The following GPC5 variants were observed in gnomAD, a reference collection of about 807,000 sequenced individuals.
GPC5 encodes the protein glypican-5.
In GPC5, 47 loss-of-function variants were observed where a neutral mutation model predicts 53.9. The ratio of observed to expected loss-of-function variants is 0.87; its 90% CI spans 0.69 to 1.11. GPC5 has a LOEUF of 1.11. Among genes scored for constraint, GPC5 ranks in the 50% most tolerant of loss-of-function variants. The pLI is 0.00. For missense variants in GPC5, 748 were observed against 713.1 expected, an observed-to-expected ratio of 1.05 and a Z score of -0.56; for synonymous variants, 286 against 263.3, an observed-to-expected ratio of 1.09 and a Z score of -0.84.
intron 5 of GPC5, among the ~76,000 whole-genome samples, chr13:91,793,187 AAC>A (rs1566265088): frequency 6.6e-6 from 1 of 151,874 alleles, no homozygotes; most frequent in Non-Finnish European, 1.5e-5. Flanking sequence ...AGGGGAGGCA[AAC>A]ACATTCTTCT....
At chr13:92,734,316 C>T (rs1199015251) in intron 7 of GPC5, among the ~76,000 whole-genome samples, 1 of 151,824 alleles carries the variant, frequency 6.6e-6, no homozygotes, top group East Asian at 1.9e-4. Context: ...TTTGCACTTC[C>T]TCTTCCTGTC....
At chr13:92,093,943 C>A (rs1036110877) in intron 6 of GPC5, among the ~76,000 whole-genome samples, 1 of 152,104 alleles carries the variant, frequency 6.6e-6, no homozygotes, top group Non-Finnish European at 1.5e-5. Flanking sequence ...TCAAATATGT[C>A]ATAAAAATAG....
intron 7 of GPC5, among the ~76,000 whole-genome samples, chr13:92,258,467 G>A (rs981882075): frequency 6.6e-6 from 1 of 152,158 alleles, no homozygotes; most frequent in African/African-American, 2.4e-5. Context: ...TCATTGAAAT[G>A]TGTATATAAA....
At chr13:92,638,255 A>G (rs916487217) in intron 7 of GPC5, among the ~76,000 whole-genome samples, 5 of 152,160 alleles carry the variant, frequency 3.3e-5, no homozygotes, top group Non-Finnish European at 7.4e-5. Context: ...ATTTTCTTGG[A>G]CTTTATATTG....
At chr13:92,385,712 C>CAT (rs1415535099) in intron 7 of GPC5, among the ~76,000 whole-genome samples, 2 of 130,988 alleles carry the variant, frequency 1.5e-5, no homozygotes, top group African/African-American at 5.8e-5. Context: ...CATATATACA[C>CAT]ATATATACAT....
intron 7 of GPC5, among the ~76,000 whole-genome samples, chr13:92,831,694 C>T (rs1324189273): frequency 6.6e-6 from 1 of 152,156 alleles, no homozygotes; most frequent in Non-Finnish European, 1.5e-5. Flanking sequence ...AGATGTCTGA[C>T]TTCAGGTGTG....
intron 5 of GPC5, among the ~76,000 whole-genome samples, chr13:91,898,927 T>G (rs1188045103): frequency 6.6e-6 from 1 of 152,208 alleles, no homozygotes; most frequent in African/African-American, 2.4e-5. Context: ...TTATTTCTTC[T>G]GAGCTATTTA....
At chr13:91,856,734 C>T (rs1452088127) in intron 5 of GPC5, among the ~76,000 whole-genome samples, 1 of 151,064 alleles carries the variant, frequency 6.6e-6, no homozygotes, top group Non-Finnish European at 1.5e-5. Flanking sequence ...CTGCAGCTTG[C>T]TGTTTTATTT....
At chr13:91,468,519 C>G (rs1001257776) in intron 2 of GPC5, among the ~76,000 whole-genome samples, 1 of 152,076 alleles carries the variant, frequency 6.6e-6, no homozygotes, top group Non-Finnish European at 1.5e-5. Flanking sequence ...GATATGAGGA[C>G]AGAGGAATGC....
intron 7 of GPC5, among the ~76,000 whole-genome samples, chr13:92,528,914 T>C (rs1271662030): frequency 6.6e-6 from 1 of 152,098 alleles, no homozygotes; most frequent in Non-Finnish European, 1.5e-5. Flanking sequence ...TTACAACTTA[T>C]GTCTTTTGCA....
At chr13:91,464,732 T>C (rs1330537723) in intron 2 of GPC5, among the ~76,000 whole-genome samples, 1 of 152,096 alleles carries the variant, frequency 6.6e-6, no homozygotes, top group Non-Finnish European at 1.5e-5. Context: ...GGGAGCTTTG[T>C]GGCAATGGAA....
chr13:92,127,623 T>C (rs1332347401), intron 6 of GPC5, among the ~76,000 whole-genome samples: 2 of 152,174 alleles, frequency 1.3e-5, no homozygotes, highest in Admixed American at 1.3e-4. Flanking sequence ...AGGTCTGGAA[T>C]AGCAGATACA....
chr13:91,972,767 T>C (rs892304423), intron 6 of GPC5, among the ~76,000 whole-genome samples: 9 of 152,324 alleles, frequency 5.9e-5, no homozygotes, highest in Non-Finnish European at 1.2e-4. Context: ...TTGAAAATTC[T>C]TTTCTTTAAG....
intron 5 of GPC5, among the ~76,000 whole-genome samples, chr13:91,779,519 A>G (rs977973104): frequency 7.2e-5 from 11 of 151,916 alleles, no homozygotes; most frequent in Non-Finnish European, 4.4e-5. Flanking sequence ...TACCACCACA[A>G]CGAGCTAATG....
chr13:91,546,526 A>T (rs9556101), intron 2 of GPC5, among the ~76,000 whole-genome samples: 2,978 of 152,212 alleles, frequency 0.02, 91 homozygotes, highest in African/African-American at 0.068. Flanking sequence ...TCAATTTTTT[A>T]AAATTTTTTC....
At chr13:92,143,365 A>G (rs1005808993) in intron 6 of GPC5, among the ~76,000 whole-genome samples, 1 of 152,146 alleles carries the variant, frequency 6.6e-6, no homozygotes, top group Non-Finnish European at 1.5e-5. Context: ...AATACCATTT[A>G]TCCTTTCCTT....
chr13:92,738,593 A>G (rs896285960), intron 7 of GPC5, among the ~76,000 whole-genome samples: 2 of 152,094 alleles, frequency 1.3e-5, no homozygotes, highest in Non-Finnish European at 2.9e-5. Flanking sequence ...AAAGCCAACT[A>G]TTCAAAATAA....
At chr13:91,853,582 CT>C (rs2038936479) in intron 5 of GPC5, among the ~76,000 whole-genome samples, 1 of 151,942 alleles carries the variant, frequency 6.6e-6, no homozygotes, top group Non-Finnish European at 1.5e-5. Context: ...ATTTAACCAA[CT>C]TCTAGAAAGG....
chr13:91,618,896 G>A (rs1281141399), intron 2 of GPC5, among the ~76,000 whole-genome samples: 1 of 151,964 alleles, frequency 6.6e-6, no homozygotes, highest in Non-Finnish European at 1.5e-5. Context: ...TATATTTAAA[G>A]CATCTGGTAT....
Sources: allele counts gnomAD v4.1 joint callset (sites outside exome capture counted in the v4.1 genomes callset), GRCh38; gene constraint gnomAD v4.1.1; transcripts MANE v1.5; gene names NCBI Gene and HGNC (gene_info 2026-07-23, HGNC 2026-07-21).